The following PACRG variants were observed in gnomAD, a reference collection of about 807,000 sequenced individuals.
The protein encoded by PACRG is parkin coregulated gene protein.
In PACRG, 29 loss-of-function variants were observed where a neutral mutation model predicts 29.7. That is an observed-to-expected ratio of 0.98 (90% CI 0.73 to 1.33). The LOEUF is 1.33. PACRG is among the 40% of genes most tolerant of loss of function. PACRG has a pLI of 0.00. For synonymous variants in PACRG, 116 were observed against 118.7 expected, an observed-to-expected ratio of 0.98 and a Z score of 0.15; for missense variants, 279 against 316.2, an observed-to-expected ratio of 0.88 and a Z score of 0.89.
chr6:163,044,562 T>A (rs1418061147), intron 2 of PACRG: 1 of 152,222 alleles, frequency 6.6e-6, no homozygotes, highest in Non-Finnish European at 1.5e-5. Flanking sequence ...TTAGTGTCAA[T>A]ATAAAAATTC....
intron 2 of PACRG, among the ~76,000 whole-genome samples, chr6:163,028,768 C>A (rs182853812): frequency 6.6e-6 from 1 of 152,254 alleles, no homozygotes; most frequent in East Asian, 1.9e-4. Context: ...AATTATTTTT[C>A]TTGTGCCTAG....
chr6:163,021,852 C>T (rs1344075078), intron 2 of PACRG, among the ~76,000 whole-genome samples: 1 of 152,306 alleles, frequency 6.6e-6, no homozygotes, highest in Non-Finnish European at 1.5e-5. Flanking sequence ...CTCAGGGGAG[C>T]CTGCTCCCTG....
intron 2 of PACRG, among the ~76,000 whole-genome samples, chr6:163,011,618 T>C (rs758570267): frequency 1.3e-5 from 2 of 152,174 alleles, no homozygotes; most frequent in East Asian, 3.9e-4. Context: ...TTATACAAAA[T>C]AGTTTTCTTC....
chr6:163,293,230 G>A (rs1014404936), intron 4 of PACRG, among the ~76,000 whole-genome samples: 20 of 152,124 alleles, frequency 1.3e-4, no homozygotes, highest in African/African-American at 3.4e-4. Flanking sequence ...TGTAATGATC[G>A]AATAGCAGTG....
At chr6:163,231,469 C>A (rs1782041222) in intron 4 of PACRG, among the ~76,000 whole-genome samples, 1 of 152,184 alleles carries the variant, frequency 6.6e-6, no homozygotes. Context: ...GAGCCCCGGG[C>A]TGCTCTGACC....
At chr6:162,823,639 G>A (rs1464002847) in intron 2 of PACRG, among the ~76,000 whole-genome samples, 11 of 151,580 alleles carry the variant, frequency 7.3e-5, no homozygotes, top group Admixed American at 7.2e-4. Flanking sequence ...AGCCTCCCGA[G>A]TAGCTGGGAC....
Position 163,011,467 on chromosome 6 carries a change from A to G in PACRG, c.292-50683A>G, listed in dbSNP as rs575573872. On this transcript the variant is annotated intron_variant, in intron 2 of 4. Coordinates refer to ENST00000366888, the MANE Select transcript of PACRG (RefSeq NM_001080379.2). ...AAAAGATAAAAAATGGTACACCTATATAGGGCATTTGCCATAAGGCTTACA... is the reference window on the plus strand; with the variant it reads ...AAAAGATAAAAAATGGTACACCTATGTAGGGCATTTGCCATAAGGCTTACA... Among the ~76,000 whole-genome samples the G allele has an allele frequency of 3.3e-5, 5 of 152,360 alleles. No individual in the cohort carries two copies. In the South Asian group the frequency reaches 1.0e-3, roughly 32 times the overall value.
chr6:163,133,408 A>T (rs1816812067), intron 4 of PACRG, among the ~76,000 whole-genome samples: 1 of 152,210 alleles, frequency 6.6e-6, no homozygotes, highest in Non-Finnish European at 1.5e-5. Context: ...GAAGAGAAGA[A>T]TAATTAGTTG....
intron 1 of PACRG, among the ~76,000 whole-genome samples, chr6:162,746,976 A>G (rs1311033249): frequency 6.6e-6 from 1 of 152,144 alleles, no homozygotes; most frequent in African/African-American, 2.4e-5. Flanking sequence ...GACAAGAATG[A>G]TGTTTTAGTA....
intron 1 of PACRG, among the ~76,000 whole-genome samples, chr6:162,760,356 G>C (rs1009204832): frequency 6.6e-5 from 10 of 152,200 alleles, no homozygotes; most frequent in African/African-American, 2.2e-4. Context: ...GCTCTGTGGT[G>C]ATCAGCAGAA....
intron 4 of PACRG, among the ~76,000 whole-genome samples, chr6:163,093,031 T>C (rs1352504670): frequency 6.6e-6 from 1 of 152,336 alleles, no homozygotes; most frequent in Middle Eastern, 3.4e-3. Flanking sequence ...TGGCTCTAAT[T>C]GCCAAATGCA....
chr6:163,090,619 A>C (rs1814015507), intron 4 of PACRG, among the ~76,000 whole-genome samples: 1 of 152,222 alleles, frequency 6.6e-6, no homozygotes. Flanking sequence ...TTATTTAAAC[A>C]GTCTTCATTC....
At chr6:163,200,152 A>G (rs1044430078) in intron 4 of PACRG, among the ~76,000 whole-genome samples, 1 of 152,180 alleles carries the variant, frequency 6.6e-6, no homozygotes, top group Admixed American at 6.5e-5. Context: ...CAACCAGAGG[A>G]ATCTTTTAGT....
At chr6:163,172,469 T>C (rs2128347973) in intron 4 of PACRG, among the ~76,000 whole-genome samples, 1 of 152,354 alleles carries the variant, frequency 6.6e-6, no homozygotes, top group Middle Eastern at 3.4e-3. Flanking sequence ...GAATAATTTG[T>C]TTTAGTGTAC....
intron 2 of PACRG, among the ~76,000 whole-genome samples, chr6:163,050,231 C>A (rs1454648464): frequency 6.6e-6 from 1 of 151,986 alleles, no homozygotes; most frequent in African/African-American, 2.4e-5. Flanking sequence ...CTTCTCTATT[C>A]TCTTGAAAGT....
intron 4 of PACRG, among the ~76,000 whole-genome samples, chr6:163,214,226 A>T (rs956456067): frequency 1.3e-5 from 2 of 152,098 alleles, no homozygotes; most frequent in Non-Finnish European, 2.9e-5. Context: ...TTATTTTATA[A>T]ATTTCTAATT....
At chr6:162,978,459 C>CT (rs1286264511) in intron 2 of PACRG, among the ~76,000 whole-genome samples, 1 of 137,462 alleles carries the variant, frequency 7.3e-6, no homozygotes, top group Non-Finnish European at 1.6e-5. Context: ...GTCTGCCTGT[C>CT]TGTCTGTCTC....
chr6:162,794,277 A>G (rs1175863349), intron 1 of PACRG, among the ~76,000 whole-genome samples: 1 of 151,994 alleles, frequency 6.6e-6, no homozygotes, highest in African/African-American at 2.4e-5. Context: ...GTTACTATAT[A>G]TTTCCTGCTT....
chr6:162,786,387 A>T (rs1784468544), intron 1 of PACRG, among the ~76,000 whole-genome samples: 2 of 152,222 alleles, frequency 1.3e-5, no homozygotes, highest in Non-Finnish European at 2.9e-5. Context: ...CAGCTAGACT[A>T]CATTTCCCAG....
Sources: gnomAD v4.1 joint callset for allele counts (sites outside exome capture counted in the v4.1 genomes callset) on GRCh38, gnomAD v4.1.1 for gene constraint, MANE v1.5 for transcripts, NCBI Gene and HGNC (gene_info 2026-07-23, HGNC 2026-07-21) for gene names.